RBFOX1: variants seen among roughly 807,000 people sequenced by gnomAD.
The protein encoded by RBFOX1 is RNA binding fox-1 homolog 1, also known as RNA binding protein fox-1 homolog 1.
A neutral mutation model predicts 57.7 loss-of-function variants in RBFOX1; 8 were observed. The ratio of observed to expected loss-of-function variants is 0.14; its 90% CI spans 0.08 to 0.25. RBFOX1 has a LOEUF of 0.25. RBFOX1 is among the 10% of genes least tolerant of loss of function. The pLI is 1.00. For missense variants in RBFOX1, 611 were observed against 548.5 expected, an observed-to-expected ratio of 1.11 and a Z score of -1.14; for synonymous variants, 326 against 222.4, an observed-to-expected ratio of 1.47 and a Z score of -4.15.
At chr16:7,107,866 G>T (rs987108514) in intron 4 of RBFOX1, among the ~76,000 whole-genome samples, 5 of 152,124 alleles carry the variant, frequency 3.3e-5, no homozygotes, top group African/African-American at 9.6e-5. Flanking sequence ...TCTACCCGTG[G>T]TCTAAAACCT....
At position 5,899,238 on chromosome 16, in the gene RBFOX1, A is replaced by G. The variant is rs556609425; in HGVS notation, c.351+31903A>G. On this transcript the variant is annotated intron_variant, in intron 4 of 19. Coordinates refer to the RBFOX1 transcript ENST00000641259. Reference sequence around the variant, plus strand: ...GTGTTGATATATACTGATGAGAAATACAAACACAATCTTATCTTTAGTCTA... The same window carrying G: ...GTGTTGATATATACTGATGAGAAATGCAAACACAATCTTATCTTTAGTCTA... 2.0e-5 allele frequency among the ~76,000 whole-genome samples: 3 copies of G among 152,190 alleles called. No homozygotes were observed. In the East Asian group the frequency reaches 5.8e-4, roughly 29 times the overall value.
At chr16:6,552,818 A>G (rs1027423605) in intron 2 of RBFOX1, among the ~76,000 whole-genome samples, 7 of 152,072 alleles carry the variant, frequency 4.6e-5, no homozygotes, top group African/African-American at 1.7e-4. Flanking sequence ...TATTATGTGT[A>G]AGATATATAT....
At chr16:6,480,874 T>G (rs576821986) in intron 2 of RBFOX1, among the ~76,000 whole-genome samples, 2 of 152,334 alleles carry the variant, frequency 1.3e-5, no homozygotes, top group East Asian at 3.9e-4. Context: ...CTTTATTTGA[T>G]TCTTTTCACT....
chr16:5,592,931 A>G (rs1324519340), intron 2 of RBFOX1, among the ~76,000 whole-genome samples: 1 of 152,194 alleles, frequency 6.6e-6, no homozygotes, highest in Non-Finnish European at 1.5e-5. Flanking sequence ...GAGCAACTCC[A>G]TCTTGAATAG....
chr16:7,233,894 A>G (rs1405589638), intron 4 of RBFOX1, among the ~76,000 whole-genome samples: 3 of 152,258 alleles, frequency 2.0e-5, no homozygotes, highest in Admixed American at 6.5e-5. Context: ...TCACCACTCA[A>G]CGAGAGCTAC....
chr16:6,730,399 G>A (rs1384999765), intron 3 of RBFOX1, among the ~76,000 whole-genome samples: 2 of 151,804 alleles, frequency 1.3e-5, no homozygotes, highest in Admixed American at 1.3e-4. Flanking sequence ...TCTATCATCT[G>A]TGCATCTGTC....
At chr16:6,383,177 G>T (rs1282088967) in intron 2 of RBFOX1, among the ~76,000 whole-genome samples, 1 of 152,208 alleles carries the variant, frequency 6.6e-6, no homozygotes. Context: ...CTTCCAAGAA[G>T]ATCTGGCTTT....
chr16:6,438,550 C>T lies in RBFOX1; in HGVS notation c.-64+121493C>T, dbSNP rs115060492. ...TGGACTGGGATCCTCAGGAGTTAAT[C>T]ACTTTTACTGTTTTTAAGTTACCCC... is the stretch of plus-strand genomic sequence containing the variant. On this transcript the variant is annotated intron_variant, in intron 2 of 15. Transcript: ENST00000550418. 9.3e-3 allele frequency among the ~76,000 whole-genome samples: 1,422 copies of T among 152,246 alleles called. 25 individuals are homozygous for T. The highest frequency in any genetic ancestry group is 0.033 in the African/African-American group (1,358 of 41,538).
chr16:7,254,011 G>T (rs921073464), intron 4 of RBFOX1, among the ~76,000 whole-genome samples: 19 of 152,136 alleles, frequency 1.2e-4, no homozygotes, highest in African/African-American at 3.4e-4. Flanking sequence ...TGTTAGCAGG[G>T]ATGGAAAGTG....
chr16:6,349,270 G>T (rs546543342), intron 2 of RBFOX1, among the ~76,000 whole-genome samples: 1 of 152,236 alleles, frequency 6.6e-6, no homozygotes, highest in African/African-American at 2.4e-5. Flanking sequence ...CCTAGCCGAC[G>T]ACTTGAGTGT....
chr16:6,850,930 A>T (rs1246550902), intron 3 of RBFOX1, among the ~76,000 whole-genome samples: 1 of 152,212 alleles, frequency 6.6e-6, no homozygotes, highest in African/African-American at 2.4e-5. Context: ...GCAAATGTTC[A>T]CTGCAGCTTT....
intron 4 of RBFOX1, among the ~76,000 whole-genome samples, chr16:7,161,387 C>T (rs1334839253): frequency 3.3e-5 from 5 of 152,118 alleles, no homozygotes; most frequent in African/African-American, 9.7e-5. Context: ...CATATATTTG[C>T]TAAATACACA....
intron 4 of RBFOX1, among the ~76,000 whole-genome samples, chr16:5,917,566 G>C (rs1193412837): frequency 6.6e-6 from 1 of 152,208 alleles, no homozygotes; most frequent in Admixed American, 6.5e-5. Context: ...TGGGTGGGAA[G>C]GAAGGAGACT....
intron 2 of RBFOX1, among the ~76,000 whole-genome samples, chr16:5,521,097 A>C (rs574620637): frequency 2.6e-5 from 4 of 152,326 alleles, no homozygotes; most frequent in Admixed American, 2.0e-4. Context: ...CTTTTATTTT[A>C]TGAGAAAAAT....
intron 1 of RBFOX1, among the ~76,000 whole-genome samples, chr16:6,028,397 G>T (rs1369300725): frequency 6.6e-6 from 1 of 151,646 alleles, no homozygotes; most frequent in Non-Finnish European, 1.5e-5. Context: ...TGATGACCGG[G>T]CATGGTGGCT....
chr16:7,125,183 G>C (rs896304512), intron 4 of RBFOX1, among the ~76,000 whole-genome samples: 4 of 152,176 alleles, frequency 2.6e-5, no homozygotes, highest in African/African-American at 9.7e-5. Context: ...GTAAGGGCTT[G>C]GGGGACGGGC....
intron 4 of RBFOX1, among the ~76,000 whole-genome samples, chr16:7,053,364 T>C (rs1361478779): frequency 6.6e-6 from 1 of 152,184 alleles, no homozygotes; most frequent in Non-Finnish European, 1.5e-5. Flanking sequence ...GACTTCAAGA[T>C]TTTTAAGCTT....
intron 1 of RBFOX1, among the ~76,000 whole-genome samples, chr16:6,191,768 GA>G (rs565538214): frequency 6.8e-4 from 104 of 152,198 alleles, no homozygotes; most frequent in African/African-American, 2.4e-3. Flanking sequence ...ATGACTTACC[GA>G]AAATCTTATG....
intron 1 of RBFOX1, among the ~76,000 whole-genome samples, chr16:5,323,926 A>C (rs1172805115): frequency 1.3e-5 from 2 of 152,330 alleles, no homozygotes; most frequent in South Asian, 2.1e-4. Flanking sequence ...GAGTTTTGTA[A>C]TTCTGACAGA....
Sources: allele counts gnomAD v4.1 joint callset (sites outside exome capture counted in the v4.1 genomes callset), GRCh38; gene constraint gnomAD v4.1.1; transcripts MANE v1.5; gene names NCBI Gene and HGNC (gene_info 2026-07-23, HGNC 2026-07-21).